Variants in ZNF800 observed in about 807,000 individuals in gnomAD.
ZNF800 encodes zinc finger protein 800.
In ZNF800, 13 loss-of-function variants were observed where a neutral mutation model predicts 59.5. The ratio of observed to expected loss-of-function variants is 0.22; its 90% CI spans 0.14 to 0.35. ZNF800 has a LOEUF of 0.35. Among genes scored for constraint, ZNF800 ranks in the 10% least tolerant of loss-of-function variants. The pLI is 1.00. For missense variants in ZNF800, 621 were observed against 783.7 expected (o/e 0.79, Z 2.48); for synonymous variants, 266 against 265.7 (o/e 1.00, Z -0.01).
At chr7:127,387,238 G>C (rs961470208) in intron 2 of ZNF800, among the ~76,000 whole-genome samples, 1 of 152,150 alleles carries the variant, frequency 6.6e-6, no homozygotes, top group African/African-American at 2.4e-5. Context: ...GATGGTTGTG[G>C]TGGAGAAAAA....
intron 3 of ZNF800, among the ~76,000 whole-genome samples, chr7:127,385,561 T>C (rs1434159564): frequency 1.3e-5 from 2 of 152,196 alleles, no homozygotes; most frequent in Admixed American, 1.3e-4. Context: ...GTCTTTCTTC[T>C]ATCTTGCGCT....
chr7:127,351,169 A>C (rs1270257213), intron 1 of ZNF800, among the ~76,000 whole-genome samples: 5 of 152,156 alleles, frequency 3.3e-5, no homozygotes, highest in African/African-American at 9.7e-5. Flanking sequence ...CTTTGAGTCA[A>C]ACTATTTGAT....
At chr7:127,348,459 T>C (rs1800112353) in intron 1 of ZNF800, among the ~76,000 whole-genome samples, 1 of 149,066 alleles carries the variant, frequency 6.7e-6, no homozygotes, top group South Asian at 2.1e-4. Context: ...GGGAATGTCC[T>C]ACACCCAACA....
At chr7:127,378,718 T>C (rs1046695538) in intron 3 of ZNF800, among the ~76,000 whole-genome samples, 4 of 149,412 alleles carry the variant, frequency 2.7e-5, no homozygotes, top group South Asian at 2.1e-4. Flanking sequence ...CCCCACAACA[T>C]ACACACACAC....
chr7:127,386,066 G>A lies in ZNF800; in HGVS notation c.151C>T (p.Arg51Ter). The A allele has an allele frequency of 6.2e-7, 1 of 1,608,486 alleles. No homozygotes were observed. The highest frequency in any genetic ancestry group is 8.5e-7 in the Non-Finnish European group (1 of 1,176,170). The change falls in exon 3 of 6, where the codon CGA becomes TGA. Residue 51 changes from arginine to a stop codon, truncating the protein, a stop_gained. Transcript: ENST00000265827. LOFTEE classifies it high-confidence loss of function. ...TATCCTAAAACATTCATACCTGATC[G>A]AAAGCACTCAATTATTTGTTGAATA... The part of the protein sequence containing the change: ...SGIQQIIECF[R>*]SGTKQLKHIL...
Position 127,392,271 on chromosome 7 carries a change from C to A in ZNF800, c.-270G>T. ...CGCCACAGCTCACCACGTCCCTCCG[C>A]GGGCCGAGACGACTGCGGCGGCGGC... On this transcript the variant is annotated 5_prime_UTR_variant, in exon 1 of 6. Transcript: ENST00000265827. 2 of 392,164 alleles carry A rather than the reference C, an allele frequency of 5.1e-6. No homozygotes were observed. The highest frequency in any genetic ancestry group is 8.9e-5 in the Admixed American group (2 of 22,486). 24.3% of individuals were successfully genotyped at this position (392,164 alleles called of 1,614,324 possible). A position where few individuals can be genotyped will look rare whatever the true frequency, so the allele number is the denominator to read the frequency against.
At chr7:127,371,928 C>T in intron 5 of ZNF800, 114 bp from the exon 6 acceptor site, 2 of 600,940 alleles carry the variant, frequency 3.3e-6, no homozygotes, top group South Asian at 4.0e-5. Flanking sequence ...AAGTTTTCCA[C>T]ACAAATAAAA....
At chr7:127,380,514 G>A (rs1381551899) in intron 3 of ZNF800, among the ~76,000 whole-genome samples, 1 of 152,140 alleles carries the variant, frequency 6.6e-6, no homozygotes, top group Non-Finnish European at 1.5e-5. Flanking sequence ...TTTTCCCTTA[G>A]TTTCAGACAC....
chr7:127,356,427 A>G (rs970876303), intron 1 of ZNF800, among the ~76,000 whole-genome samples: 1 of 152,112 alleles, frequency 6.6e-6, no homozygotes, highest in African/African-American at 2.4e-5. Flanking sequence ...GAAGTCCTCA[A>G]TGCAGAAAGC....
In ZNF800 at chr7:127,374,117, T is replaced by C. The variant is rs2117108114; in HGVS notation, c.1219A>G (p.Lys407Glu). 2 of 1,613,898 alleles carry C rather than the reference T, an allele frequency of 1.2e-6. No individual in the cohort carries two copies. Among genetic ancestry groups the C allele is most frequent in the South Asian group, 2.2e-5 (2 of 91,058 alleles). ...PNNTANSSEI[K>E]VKVEPADSVE... ...GAATCTGCTGGTTCAACTTTAACTTTTATTTCTGAACTGTTGGCAGTATTA... is the reference window on the plus strand; with the variant it reads ...GAATCTGCTGGTTCAACTTTAACTTCTATTTCTGAACTGTTGGCAGTATTA... Residue 407 changes from lysine (K) to glutamate (E), a missense_variant, in exon 5 of 6, where the codon AAA becomes GAA. Transcript: ENST00000265827.
chr7:127,363,272 G>A (rs1800432964), intron 1 of ZNF800: 1 of 152,006 alleles, frequency 6.6e-6, no homozygotes, highest in Non-Finnish European at 1.5e-5. Context: ...CTAGAAAACG[G>A]ACCTGGAGTC....
chr7:127,380,492 G>A (rs1219414450), intron 3 of ZNF800, among the ~76,000 whole-genome samples: 1 of 152,144 alleles, frequency 6.6e-6, no homozygotes, highest in Non-Finnish European at 1.5e-5. Context: ...CACAAACAGA[G>A]ATAATAAAAG....
intron 2 of ZNF800, among the ~76,000 whole-genome samples, chr7:127,386,996 AC>A (rs1801154530): frequency 6.6e-6 from 1 of 152,018 alleles, no homozygotes; most frequent in African/African-American, 2.4e-5. Flanking sequence ...TCTGCCTCAC[AC>A]TTTAATGCTG....
In ZNF800 at chr7:127,374,073, A is replaced by C; in HGVS notation, c.1263T>G (p.Pro421=). ...CATTCTGTGGAGAATGGGTAATGGA[A>C]GGGGGTGAAGATTCTACAGAATCTG... ...EPADSVESSP[P]SITHSPQNEL... The change falls in exon 5 of 6, where the codon CCT becomes CCG. Residue 421 remains proline, a synonymous_variant. Coordinates refer to ENST00000265827, the MANE Select transcript of ZNF800 (RefSeq NM_176814.5). 2 of 1,614,076 alleles carry C rather than the reference A, an allele frequency of 1.2e-6. No homozygotes were observed. Among genetic ancestry groups the C allele is most frequent in the Non-Finnish European group, 1.7e-6 (2 of 1,180,010 alleles).
intron 5 of ZNF800, 64 bp from the exon 6 acceptor site, chr7:127,371,878 T>C: frequency 1.4e-6 from 1 of 690,936 alleles, no homozygotes; most frequent in Non-Finnish European, 2.7e-6. Context: ...TTTTTAAAAC[T>C]ATGCAACAGT....
At position 127,392,479 on chromosome 7, in the gene ZNF800, G is replaced by T; in HGVS notation, c.-478C>A. The stretch of plus-strand genomic sequence containing the variant: ...CCGCCGCAACCCGGGTCCCACCAGC[G>T]CCGCTCCACCTGCAACGGTCCCTCA... On this transcript the variant is annotated 5_prime_UTR_variant, in exon 1 of 6. Coordinates refer to ENST00000265827, the MANE Select transcript of ZNF800 (RefSeq NM_176814.5). The T allele has an allele frequency of 5.5e-6, 2 of 361,572 alleles. No homozygotes were observed. The highest frequency in any genetic ancestry group is 9.9e-6 in the Non-Finnish European group (2 of 202,460). 22.4% of individuals were successfully genotyped at this position (361,572 alleles called of 1,614,324 possible).
chr7:127,392,589 A>C lies in ZNF800; in HGVS notation c.-588T>G. On this transcript the variant is annotated 5_prime_UTR_variant, in exon 1 of 6. Transcript: ENST00000265827. ...GGTAGTTGTTGTTTCAGGAAACTTT[A>C]TTAAGTCAGCCTCTCTTTTACTCTG... is the stretch of plus-strand genomic sequence containing the variant. 4.8e-6 allele frequency: 1 copy of C among 206,800 alleles called. No individual in the cohort carries two copies. The highest frequency in any genetic ancestry group is 9.6e-6 in the Non-Finnish European group (1 of 104,132). The allele number at this position is 206,800 out of a possible 1,614,324, so 12.8% of individuals were successfully genotyped here.
At chr7:127,364,816 A>T (rs1800471264) in intron 1 of ZNF800, 2 of 152,246 alleles carry the variant, frequency 1.3e-5, no homozygotes, top group Non-Finnish European at 2.9e-5. Context: ...ATAAACAAAC[A>T]TCTTCTACTT....
At chr7:127,369,734 C>G (rs937931231), downstream of ZNF800, among the ~76,000 whole-genome samples, 1 of 151,986 alleles carries the variant, frequency 6.6e-6, no homozygotes, top group East Asian at 1.9e-4. Context: ...CTCTAGATTC[C>G]TATTCTGTGG....
Sources: allele counts gnomAD v4.1 joint callset (sites outside exome capture counted in the v4.1 genomes callset), GRCh38; gene constraint gnomAD v4.1.1; transcripts MANE v1.5; gene names NCBI Gene and HGNC (gene_info 2026-07-23, HGNC 2026-07-21).